ST8SIA4: variants seen among roughly 807,000 people sequenced by gnomAD.
ST8SIA4 encodes CMP-N-acetylneuraminate-poly-alpha-2,8-sialyltransferase.
A neutral mutation model predicts 33.9 loss-of-function variants in ST8SIA4; 15 were observed. The ratio of observed to expected loss-of-function variants is 0.44; its 90% confidence interval spans 0.30 to 0.68. The LOEUF (loss-of-function observed/expected upper bound fraction) is 0.68, where lower values mean the gene tolerates loss of function less well. Ranked by LOEUF, ST8SIA4 falls within the 30% of genes least tolerant of loss-of-function variation. ST8SIA4 has a pLI of 0.10. For missense variants in ST8SIA4, 321 were observed against 428.0 expected (o/e 0.75, Z 2.21); for synonymous variants, 171 against 151.2 (o/e 1.13, Z -0.96).
At chr5:100,862,708 CT>C (rs1299069787) in intron 3 of ST8SIA4, among the ~76,000 whole-genome samples, 2 of 152,020 alleles carry the variant, frequency 1.3e-5, no homozygotes, top group African/African-American at 2.4e-5. Flanking sequence ...GGCCGAATAC[CT>C]TTTATTGAAC....
At chr5:100,897,883 G>A (rs1305980612) in intron 1 of ST8SIA4, among the ~76,000 whole-genome samples, 4 of 152,000 alleles carry the variant, frequency 2.6e-5, no homozygotes, top group African/African-American at 9.7e-5. Flanking sequence ...ACTGACCATC[G>A]GCCCAGAAGT....
Position 100,895,699 on chromosome 5 carries a change from T to C in ST8SIA4, c.200A>G (p.Asn67Ser). ...GGAATTGATTTTCCAACCTTCTACA[T>C]TGTGCTGGAAGATTGAAGAGCCAGC... ...RKAGSSIFQH[N>S]VEGWKINSSL... The change falls in exon 2 of 5, where the codon AAT (asparagine) becomes AGT (serine). Residue 67 changes from asparagine (N) to serine (S), a missense_variant. Transcript: ENST00000231461. 6 of 1,612,814 alleles carry C rather than the reference T, an allele frequency of 3.7e-6. No homozygotes were observed. The highest frequency in any genetic ancestry group is 5.1e-6 in the Non-Finnish European group (6 of 1,179,084).
intron 4 of ST8SIA4, among the ~76,000 whole-genome samples, chr5:100,829,097 C>T (rs747755882): frequency 3.0e-4 from 46 of 152,210 alleles, no homozygotes; most frequent in Non-Finnish European, 5.6e-4. Context: ...GAATATTCTG[C>T]GCATAGGAGC....
chr5:100,901,845 ATC>A (rs143917604), intron 1 of ST8SIA4, among the ~76,000 whole-genome samples: 35 of 151,764 alleles, frequency 2.3e-4, no homozygotes, highest in African/African-American at 6.0e-4. Flanking sequence ...TAGCAGTCCC[ATC>A]TCTCTCTCTC....
At chr5:100,846,000 C>T (rs1751561653) in intron 4 of ST8SIA4, among the ~76,000 whole-genome samples, 1 of 151,662 alleles carries the variant, frequency 6.6e-6, no homozygotes, top group South Asian at 2.1e-4. Flanking sequence ...TTATTTTTAC[C>T]CTAGCAACAC....
chr5:100,860,016 T>C (rs1188421528), intron 3 of ST8SIA4, among the ~76,000 whole-genome samples: 1 of 152,182 alleles, frequency 6.6e-6, no homozygotes, highest in Non-Finnish European at 1.5e-5. Flanking sequence ...ATTTTTTAAT[T>C]CTACAACGTA....
At chr5:100,830,748 C>T (rs1374670256) in intron 4 of ST8SIA4, among the ~76,000 whole-genome samples, 2 of 152,074 alleles carry the variant, frequency 1.3e-5, no homozygotes, top group African/African-American at 4.8e-5. Flanking sequence ...CAAATGGTTG[C>T]ATTATATTTG....
intron 4 of ST8SIA4, among the ~76,000 whole-genome samples, chr5:100,848,764 TA>T (rs926694145): frequency 1.3e-5 from 2 of 150,720 alleles, no homozygotes; most frequent in South Asian, 2.1e-4. Flanking sequence ...TACGCATTTT[TA>T]AAAAAATTAA....
rs150484983 is a variant in ST8SIA4, at chr5:100,840,692, T to C, written c.797+15411A>G. On this transcript the variant is annotated intron_variant, in intron 4 of 4. Transcript: ENST00000231461. ...ATTATCTCCTGACTAGCCCATAACATTTTTGGAGCTTTCTGTCTTCCTTAG... is the reference window on the plus strand; with the variant it reads ...ATTATCTCCTGACTAGCCCATAACACTTTTGGAGCTTTCTGTCTTCCTTAG... Among the ~76,000 whole-genome samples the C allele has an allele frequency of 5.5e-3, 836 of 151,866 alleles. 6 individuals are homozygous for C. Among genetic ancestry groups the C allele is most frequent in the African/African-American group, 0.019 (788 of 41,454 alleles).
At chr5:100,874,789 G>T (rs1267852972) in intron 3 of ST8SIA4, among the ~76,000 whole-genome samples, 1 of 151,816 alleles carries the variant, frequency 6.6e-6, no homozygotes, top group Non-Finnish European at 1.5e-5. Flanking sequence ...TTATCATGTT[G>T]CCCAGGCTGG....
chr5:100,882,181 C>T (rs1223095909), intron 3 of ST8SIA4, among the ~76,000 whole-genome samples: 1 of 152,112 alleles, frequency 6.6e-6, no homozygotes, highest in Non-Finnish European at 1.5e-5. Flanking sequence ...AAAGCCTGAT[C>T]GCAATATGGA....
chr5:100,850,742 G>GA (rs936038280), intron 4 of ST8SIA4, among the ~76,000 whole-genome samples: 5 of 150,936 alleles, frequency 3.3e-5, no homozygotes, highest in African/African-American at 1.2e-4. Context: ...TTTTCTGTGG[G>GA]AAAAAAACAC....
In ST8SIA4 at chr5:100,849,414, A is replaced by C. The variant is rs1488040868; in HGVS notation, c.797+6689T>G. ...TCTCTACGTCAGTGTTCTTAGTTAG[A>C]ATTGTTCAAATCCTCTTTAAAATCA... On this transcript the variant is annotated intron_variant, in intron 4 of 4. Transcript: ENST00000231461. 10 of 985,286 alleles carry C rather than the reference A, an allele frequency of 1.0e-5. No homozygotes were observed. The Admixed American group carries it at 2.5e-4, about 24-fold the overall frequency. The allele number at this position is 985,286 out of a possible 1,614,324, so 61.0% of individuals were successfully genotyped here. A position where few individuals can be genotyped will look rare whatever the true frequency, so the allele number is the denominator to read the frequency against.
At chr5:100,857,969 T>C (rs1041170145) in intron 3 of ST8SIA4, among the ~76,000 whole-genome samples, 2 of 152,062 alleles carry the variant, frequency 1.3e-5, no homozygotes, top group Non-Finnish European at 2.9e-5. Flanking sequence ...CTACTCATGA[T>C]TCATACCACT....
intron 4 of ST8SIA4, among the ~76,000 whole-genome samples, chr5:100,826,451 A>G (rs1322824543): frequency 6.6e-6 from 1 of 152,214 alleles, no homozygotes; most frequent in Non-Finnish European, 1.5e-5. Flanking sequence ...TGGCTAAGCC[A>G]TCTGGGGAAT....
At chr5:100,854,426 A>G (rs926506992) in intron 4 of ST8SIA4, among the ~76,000 whole-genome samples, 29 of 152,088 alleles carry the variant, frequency 1.9e-4, no homozygotes, top group African/African-American at 5.3e-4. Flanking sequence ...TACTAAAAAT[A>G]CAAAAAATTA....
intron 3 of ST8SIA4, among the ~76,000 whole-genome samples, chr5:100,865,088 C>T (rs1391228498): frequency 1.3e-5 from 2 of 152,196 alleles, no homozygotes; most frequent in Non-Finnish European, 2.9e-5. Flanking sequence ...CTCAGCATTT[C>T]TCACTATCAG....
At chr5:100,864,928 T>C (rs1304183789) in intron 3 of ST8SIA4, among the ~76,000 whole-genome samples, 1 of 152,212 alleles carries the variant, frequency 6.6e-6, no homozygotes, top group Non-Finnish European at 1.5e-5. Context: ...ATTTCCTTTG[T>C]TTCTGTTCTT....
rs962271180 is a variant in ST8SIA4 at position 100,899,971 on chromosome 5, T to C, written c.113+2872A>G. ...TGACCTATGCTGGAACAATTCCTTA[T>C]GTATTTAAAAAAACATGTCGCAGGT... is the stretch of plus-strand genomic sequence containing the variant. On this transcript the variant is annotated intron_variant, in intron 1 of 4. Transcript: ENST00000231461. Among the ~76,000 whole-genome samples, 15 of 152,340 alleles carry C rather than the reference T, an allele frequency of 9.8e-5. 1 individual carries two copies. The East Asian group carries it at 2.9e-3, about 29-fold the overall frequency.
Sources: allele counts gnomAD v4.1 joint callset (sites outside exome capture counted in the v4.1 genomes callset), GRCh38; gene constraint gnomAD v4.1.1; transcripts MANE v1.5; gene names NCBI Gene and HGNC (gene_info 2026-07-23, HGNC 2026-07-21).